RALYL: variants seen among roughly 807,000 people sequenced by gnomAD.
RALYL encodes the protein RNA-binding Raly-like protein.
Under a neutral mutation model 35.1 loss-of-function variants are expected in RALYL, and 29 were observed. That is an observed-to-expected ratio of 0.83 (90% confidence interval 0.61 to 1.13). RALYL has a LOEUF of 1.13. Ranked by LOEUF, RALYL falls within the 50% of genes most tolerant of loss-of-function variation. The pLI, the probability that RALYL is intolerant of heterozygous loss-of-function variation, is 0.00. For synonymous variants in RALYL, 120 were observed against 127.6 expected (o/e 0.94, Z 0.40); for missense variants, 359 against 360.4 (o/e 1.00, Z 0.03).
intron 2 of RALYL, among the ~76,000 whole-genome samples, chr8:84,727,869 A>C (rs1236316827): frequency 6.6e-6 from 1 of 151,906 alleles, no homozygotes; most frequent in African/African-American, 2.4e-5. Context: ...AATCCAGTCT[A>C]TCATTGTTGG....
intron 1 of RALYL, among the ~76,000 whole-genome samples, chr8:84,414,399 C>T (rs147896625): frequency 6.6e-6 from 1 of 152,218 alleles, no homozygotes; most frequent in Non-Finnish European, 1.5e-5. Flanking sequence ...AGAAAGTTTA[C>T]TTGCATCTGT....
In RALYL at chr8:84,773,413, A is replaced by G. The variant is rs569116297; in HGVS notation, c.257-1166A>G. On this transcript the variant is annotated intron_variant, in intron 2 of 8. Coordinates refer to ENST00000521268, the MANE Select transcript of RALYL (RefSeq NM_173848.7). ...TCAAAATAATATCCCTCATTTCTTG[A>G]AGCACATCTCCTTTAGATTTCCCTT... Among the ~76,000 whole-genome samples, 11 of 152,318 alleles carry G rather than the reference A, an allele frequency of 7.2e-5. No individual in the cohort carries two copies. The East Asian group carries it at 1.3e-3, about 19-fold the overall frequency.
At chr8:84,651,646 T>G (rs929906876) in intron 2 of RALYL, among the ~76,000 whole-genome samples, 10 of 152,008 alleles carry the variant, frequency 6.6e-5, no homozygotes, top group South Asian at 2.1e-4. Context: ...TTTACAGACT[T>G]TGGAATTGAC....
chr8:84,484,634 A>G (rs187674847), intron 1 of RALYL, among the ~76,000 whole-genome samples: 3 of 152,274 alleles, frequency 2.0e-5, no homozygotes, highest in African/African-American at 7.2e-5. Flanking sequence ...GCCAATCTAC[A>G]GTATTCATTC....
chr8:84,207,025 G>A (rs1356702712), intron 1 of RALYL, among the ~76,000 whole-genome samples: 1 of 152,118 alleles, frequency 6.6e-6, no homozygotes, highest in African/African-American at 2.4e-5. Flanking sequence ...GATAAGTGCT[G>A]GCCAGAGTGT....
At chr8:84,269,609 C>G (rs1833931865) in intron 1 of RALYL, among the ~76,000 whole-genome samples, 1 of 152,058 alleles carries the variant, frequency 6.6e-6, no homozygotes, top group African/African-American at 2.4e-5. Context: ...ATCATTCAGA[C>G]TGATTTTCAA....
chr8:84,345,691 A>G (rs1849712266), intron 1 of RALYL, among the ~76,000 whole-genome samples: 1 of 152,078 alleles, frequency 6.6e-6, no homozygotes. Flanking sequence ...TAATATATAG[A>G]AACACATCTC....
At chr8:84,207,987 G>A (rs1243836864) in intron 1 of RALYL, among the ~76,000 whole-genome samples, 3 of 152,054 alleles carry the variant, frequency 2.0e-5, no homozygotes, top group Non-Finnish European at 4.4e-5. Flanking sequence ...AGTTAGAAAT[G>A]CATTTAACTT....
intron 1 of RALYL, among the ~76,000 whole-genome samples, chr8:84,386,669 G>C (rs370740502): frequency 1.2e-3 from 188 of 151,866 alleles, no homozygotes; most frequent in African/African-American, 4.4e-3. Flanking sequence ...CTATATATTG[G>C]TTACCACACT....
chr8:84,592,862 G>A (rs921713758), intron 2 of RALYL, among the ~76,000 whole-genome samples: 2 of 151,992 alleles, frequency 1.3e-5, no homozygotes, highest in Admixed American at 6.6e-5. Context: ...TTGCACACAA[G>A]GATAAGGATA....
At chr8:84,631,466 A>T (rs1485495101) in intron 2 of RALYL, among the ~76,000 whole-genome samples, 1 of 152,026 alleles carries the variant, frequency 6.6e-6, no homozygotes, top group Admixed American at 6.6e-5. Context: ...CTGTCATGGG[A>T]TGAAAGATAA....
At chr8:84,469,599 T>C (rs2052366280) in intron 1 of RALYL, among the ~76,000 whole-genome samples, 1 of 152,154 alleles carries the variant, frequency 6.6e-6, no homozygotes, top group South Asian at 2.1e-4. Context: ...TCTTTTTGTT[T>C]GTGCCCTGCC....
Position 84,887,761 on chromosome 8 carries a change from T to G in RALYL, c.843T>G (p.Asp281Glu), listed in dbSNP as rs1388216492. The G allele has an allele frequency of 6.2e-7, 1 of 1,613,136 alleles. No homozygotes were observed. The highest frequency in any genetic ancestry group is 1.7e-5 in the Admixed American group (1 of 59,846). Reference protein sequence around the residue: ...TDGIEEDFDEDGGHELFLQIK With the variant: ...TDGIEEDFDEEGGHELFLQIK Reference sequence around the variant, plus strand: ...GGATAGAGGAGGACTTCGATGAAGATGGGGGTCATGAGCTGGTAGGAAAGA... The same window carrying G: ...GGATAGAGGAGGACTTCGATGAAGAGGGGGGTCATGAGCTGGTAGGAAAGA... Residue 281 changes from aspartate (D) to glutamate (E), a missense_variant, in exon 8 of 9, where the codon GAT becomes GAG. Asp to Glu is a conservative substitution (Grantham distance 45). Coordinates refer to ENST00000521268, the MANE Select transcript of RALYL (RefSeq NM_173848.7).
At chr8:84,622,592 G>A (rs1450578835) in intron 2 of RALYL, among the ~76,000 whole-genome samples, 4 of 152,096 alleles carry the variant, frequency 2.6e-5, no homozygotes, top group Admixed American at 1.3e-4. Context: ...CCACAGAGTC[G>A]AGGGGCATTA....
chr8:84,571,774 C>T (rs1184439266), intron 2 of RALYL, among the ~76,000 whole-genome samples: 1 of 151,448 alleles, frequency 6.6e-6, no homozygotes, highest in African/African-American at 2.4e-5. Context: ...CTTAGTAGCC[C>T]TTTTGTTTTA....
At chr8:84,894,824 C>T (rs923691864) in intron 8 of RALYL, among the ~76,000 whole-genome samples, 6 of 152,156 alleles carry the variant, frequency 3.9e-5, no homozygotes, top group Non-Finnish European at 8.8e-5. Flanking sequence ...TTGTAGTTAA[C>T]GAACTCTGCC....
chr8:84,231,366 T>A (rs148704942), intron 1 of RALYL, among the ~76,000 whole-genome samples: 206 of 152,312 alleles, frequency 1.4e-3, no homozygotes, highest in African/African-American at 4.6e-3. Flanking sequence ...TTAGCAAATA[T>A]TGTATGACTT....
chr8:84,792,135 A>C (rs2718982), intron 3 of RALYL, among the ~76,000 whole-genome samples: 47,978 of 152,194 alleles, frequency 0.32, 8,794 homozygotes, highest in African/African-American at 0.5. Flanking sequence ...TTGCCATCTG[A>C]AGACAGCTTA....
intron 2 of RALYL, among the ~76,000 whole-genome samples, chr8:84,571,648 G>T (rs2135791783): frequency 6.6e-6 from 1 of 151,500 alleles, no homozygotes; most frequent in East Asian, 1.9e-4. Flanking sequence ...ATTTTCTTAT[G>T]CTTGCTTTGT....
Sources: gnomAD v4.1 joint callset for allele counts (sites outside exome capture counted in the v4.1 genomes callset) on GRCh38, gnomAD v4.1.1 for gene constraint, MANE v1.5 for transcripts, NCBI Gene and HGNC (gene_info 2026-07-23, HGNC 2026-07-21) for gene names.